GRIK4: variants seen among roughly 807,000 people sequenced by gnomAD.
GRIK4 encodes the protein glutamate ionotropic receptor kainate type subunit 4, also known as glutamate receptor ionotropic, kainate 4.
GRIK4 carries 40 observed loss-of-function variants against 104.9 expected under a neutral mutation model. That is an observed-to-expected ratio of 0.38 (90% confidence interval 0.30 to 0.50). The LOEUF (loss-of-function observed/expected upper bound fraction) is 0.50. Ranked by LOEUF, GRIK4 falls within the 20% of genes least tolerant of loss-of-function variation. The probability of loss-of-function intolerance (pLI) is 0.93; values close to 1 mark genes in which losing one functional copy is unlikely to be tolerated. For missense variants in GRIK4, 1,047 were observed against 1,308.1 expected, an observed-to-expected ratio of 0.80 and a Z score of 3.08; for synonymous variants, 485 against 524.9, an observed-to-expected ratio of 0.92 and a Z score of 1.04.
chr11:120,649,644 C>T (rs1174065789), intron 1 of GRIK4, among the ~76,000 whole-genome samples: 1 of 152,196 alleles, frequency 6.6e-6, no homozygotes, highest in African/African-American at 2.4e-5. Context: ...CCCTCTTCTC[C>T]AGGCTGAGAA....
chr11:120,577,250 G>A (rs1591707963), intron 1 of GRIK4, among the ~76,000 whole-genome samples: 1 of 152,070 alleles, frequency 6.6e-6, no homozygotes, highest in Non-Finnish European at 1.5e-5. Flanking sequence ...GAGTTGCTGT[G>A]GTCTAGAGAC....
intron 11 of GRIK4, among the ~76,000 whole-genome samples, chr11:120,881,578 G>A (rs1348588582): frequency 6.6e-6 from 1 of 152,210 alleles, no homozygotes; most frequent in Non-Finnish European, 1.5e-5. Flanking sequence ...GGATGGATGA[G>A]ATGGCTTTCC....
chr11:120,823,097 G>A (rs142338320), intron 6 of GRIK4, among the ~76,000 whole-genome samples: 2 of 152,116 alleles, frequency 1.3e-5, no homozygotes, highest in East Asian at 3.9e-4. Context: ...TGTACACAGC[G>A]GGGTTGTTAA....
At chr11:120,623,269 G>C (rs1235970301) in intron 1 of GRIK4, among the ~76,000 whole-genome samples, 1 of 152,002 alleles carries the variant, frequency 6.6e-6, no homozygotes, top group African/African-American at 2.4e-5. Context: ...CAGCCTCCAA[G>C]TAGCTGGGGC....
At chr11:120,530,805 T>A (rs575113340) in intron 1 of GRIK4, among the ~76,000 whole-genome samples, 1 of 152,272 alleles carries the variant, frequency 6.6e-6, no homozygotes, top group South Asian at 2.1e-4. Flanking sequence ...TGGAGGGGAT[T>A]CATTCAGAGC....
At chr11:120,883,892 G>A (rs1955044036) in intron 11 of GRIK4, among the ~76,000 whole-genome samples, 1 of 152,232 alleles carries the variant, frequency 6.6e-6, no homozygotes, top group Non-Finnish European at 1.5e-5. Flanking sequence ...ATGCCTGGAA[G>A]AGCTGGAAGA....
At chr11:120,823,856 G>C (rs759300574) in intron 6 of GRIK4, among the ~76,000 whole-genome samples, 4 of 152,212 alleles carry the variant, frequency 2.6e-5, no homozygotes, top group Non-Finnish European at 4.4e-5. Context: ...GAACTCACCT[G>C]CTGAGGCTGC....
At chr11:120,843,816 G>A (rs1412090124) in intron 8 of GRIK4, among the ~76,000 whole-genome samples, 1 of 152,152 alleles carries the variant, frequency 6.6e-6, no homozygotes, top group Non-Finnish European at 1.5e-5. Context: ...ACAATGCCTT[G>A]GAATTGGGGA....
intron 6 of GRIK4, among the ~76,000 whole-genome samples, chr11:120,822,729 A>G (rs1269426515): frequency 1.3e-5 from 2 of 152,156 alleles, no homozygotes. Context: ...TGTTTTGTGG[A>G]CCAGGAGTTT....
At chr11:120,957,592 TGTGTG>T (rs1432513364) in intron 16 of GRIK4, among the ~76,000 whole-genome samples, 1 of 27,138 alleles carries the variant, frequency 3.7e-5, no homozygotes, top group African/African-American at 1.4e-4. Flanking sequence ...ACAAAACAAA[TGTGTG>T]TGTGTGTGTG....
intron 6 of GRIK4, among the ~76,000 whole-genome samples, chr11:120,822,071 T>C (rs12294917): frequency 0.053 from 8,025 of 151,020 alleles, 712 homozygotes; most frequent in African/African-American, 0.18. Flanking sequence ...ATTAGACGGG[T>C]GTGGTGGTAC....
chr11:120,840,980 T>C (rs970397698), intron 8 of GRIK4, among the ~76,000 whole-genome samples: 1 of 152,242 alleles, frequency 6.6e-6, no homozygotes, highest in African/African-American at 2.4e-5. Context: ...AGAAGTGGAA[T>C]TATACAATAT....
intron 1 of GRIK4, among the ~76,000 whole-genome samples, chr11:120,587,378 G>A (rs745350805): frequency 1.3e-5 from 2 of 152,138 alleles, no homozygotes; most frequent in Non-Finnish European, 2.9e-5. Flanking sequence ...AAAGGAGACC[G>A]TGAGCTTTGG....
intron 12 of GRIK4, 60 bp downstream of exon 12, chr11:120,898,699 G>A (rs955698784): frequency 2.4e-5 from 21 of 878,986 alleles, no homozygotes; most frequent in South Asian, 2.7e-5. Flanking sequence ...CCGGCTCTGA[G>A]CACTCACAGG....
chr11:120,880,752 G>A (rs2135702590), intron 11 of GRIK4, among the ~76,000 whole-genome samples: 1 of 152,268 alleles, frequency 6.6e-6, no homozygotes, highest in East Asian at 1.9e-4. Flanking sequence ...GTCAAAATCT[G>A]CCTCCTAATT....
chr11:120,879,372 C>T (rs1954901798), intron 11 of GRIK4, among the ~76,000 whole-genome samples: 1 of 152,236 alleles, frequency 6.6e-6, no homozygotes, highest in African/African-American at 2.4e-5. Flanking sequence ...GTTTCATTCT[C>T]TCTCTTCCTG....
intron 3 of GRIK4, among the ~76,000 whole-genome samples, chr11:120,776,667 G>A (rs549535195): frequency 2.6e-5 from 4 of 152,254 alleles, no homozygotes; most frequent in African/African-American, 9.6e-5. Context: ...TCTGGCGCAG[G>A]GTCACTCTCA....
At chr11:120,821,302 C>G (rs1190151131) in intron 6 of GRIK4, among the ~76,000 whole-genome samples, 3 of 152,124 alleles carry the variant, frequency 2.0e-5, no homozygotes, top group Non-Finnish European at 4.4e-5. Flanking sequence ...AACTGGATCT[C>G]AAAGGATAAA....
chr11:120,976,329 T>G (rs1306480052), intron 19 of GRIK4, among the ~76,000 whole-genome samples: 3 of 152,240 alleles, frequency 2.0e-5, no homozygotes, highest in Non-Finnish European at 4.4e-5. Context: ...TTTTCTCCTA[T>G]TATTCTCTCC....
Sources: allele counts gnomAD v4.1 joint callset (sites outside exome capture counted in the v4.1 genomes callset), GRCh38; gene constraint gnomAD v4.1.1; transcripts MANE v1.5; gene names NCBI Gene and HGNC (gene_info 2026-07-23, HGNC 2026-07-21).